Variants in PPP3CA observed in about 807,000 individuals in gnomAD.
PPP3CA encodes the protein CAM-PRP catalytic subunit.
PPP3CA carries 14 observed loss-of-function variants against 66.5 expected under a neutral mutation model. That is an observed-to-expected ratio of 0.21 (90% confidence interval 0.14 to 0.33). The LOEUF (loss-of-function observed/expected upper bound fraction) is 0.33. Ranked by LOEUF, PPP3CA falls within the 10% of genes least tolerant of loss-of-function variation. The pLI is 1.00. For missense variants in PPP3CA, 317 were observed against 639.5 expected, an observed-to-expected ratio of 0.50 and a Z score of 5.44; for synonymous variants, 232 against 226.2, an observed-to-expected ratio of 1.03 and a Z score of -0.23.
intron 2 of PPP3CA, among the ~76,000 whole-genome samples, chr4:101,146,591 C>T (rs1179714751): frequency 6.6e-6 from 1 of 152,008 alleles, no homozygotes; most frequent in Non-Finnish European, 1.5e-5. Context: ...TACAGGTGCG[C>T]ACCACCACGC....
chr4:101,079,051 A>G (rs114896946), intron 8 of PPP3CA, among the ~76,000 whole-genome samples: 7,896 of 152,252 alleles, frequency 0.052, 733 homozygotes, highest in African/African-American at 0.18. Context: ...ACGGCAATGT[A>G]AAAGACCGTA....
intron 8 of PPP3CA, among the ~76,000 whole-genome samples, chr4:101,076,535 G>A (rs1228045176): frequency 6.6e-6 from 1 of 152,280 alleles, no homozygotes; most frequent in South Asian, 2.1e-4. Context: ...ACCACCAACA[G>A]AAGTCTTTAT....
At chr4:101,132,536 C>T (rs1433088035) in intron 2 of PPP3CA, among the ~76,000 whole-genome samples, 2 of 152,052 alleles carry the variant, frequency 1.3e-5, no homozygotes, top group Admixed American at 6.5e-5. Flanking sequence ...TACACCCTCC[C>T]AAGACTAAAC....
chr4:101,317,829 GTA>G (rs1273085517), intron 1 of PPP3CA, among the ~76,000 whole-genome samples: 1 of 152,146 alleles, frequency 6.6e-6, no homozygotes, highest in Non-Finnish European at 1.5e-5. Flanking sequence ...TGACATCCTA[GTA>G]TCACCACTTA....
At chr4:101,077,072 G>C (rs993349071) in intron 8 of PPP3CA, among the ~76,000 whole-genome samples, 2 of 152,212 alleles carry the variant, frequency 1.3e-5, no homozygotes, top group African/African-American at 4.8e-5. Context: ...GTGCAGACTG[G>C]AAAGGATGAG....
At chr4:101,246,050 A>G (rs758259956) in intron 1 of PPP3CA, among the ~76,000 whole-genome samples, 2 of 152,082 alleles carry the variant, frequency 1.3e-5, no homozygotes, top group Non-Finnish European at 2.9e-5. Flanking sequence ...CACAAGTTAT[A>G]CGTCAACCAT....
At chr4:101,171,201 G>A (rs1723866376) in intron 2 of PPP3CA, 1 of 456,028 alleles carries the variant, frequency 2.2e-6, no homozygotes, top group Middle Eastern at 3.3e-4. Context: ...ACCTTGGTGT[G>A]TGAATCGGGG....
chr4:101,031,597 C>T (rs1045000603), intron 12 of PPP3CA, among the ~76,000 whole-genome samples: 13 of 152,202 alleles, frequency 8.5e-5, no homozygotes, highest in South Asian at 8.3e-4. Context: ...CAGTCATATG[C>T]GGCTTCTGTA....
At chr4:101,331,502 T>C (rs960219660) in intron 1 of PPP3CA, among the ~76,000 whole-genome samples, 9 of 152,170 alleles carry the variant, frequency 5.9e-5, no homozygotes, top group Non-Finnish European at 1.2e-4. Context: ...ATTTCTCAGT[T>C]AATGAAGAAA....
chr4:101,241,336 A>G (rs1726302203), intron 1 of PPP3CA, among the ~76,000 whole-genome samples: 1 of 152,100 alleles, frequency 6.6e-6, no homozygotes. Flanking sequence ...GCCACCTAAG[A>G]TAATATGTGG....
At position 101,288,891 on chromosome 4, in the gene PPP3CA, C is replaced by T. The variant is rs758134129; in HGVS notation, c.58+57848G>A. 2.7e-4 allele frequency among the ~76,000 whole-genome samples: 41 copies of T among 151,958 alleles called. 1 individual carries two copies. The highest frequency in any genetic ancestry group is 2.0e-4 in the Admixed American group (3 of 15,260). ...ACACAGGCACACACAAAATGAAGTG[C>T]CTTGAGTCTCTTCATCCTTCCCCTT... On this transcript the variant is annotated intron_variant, in intron 1 of 13. Transcript: ENST00000394854.
At chr4:101,338,269 T>C (rs1171629545) in intron 1 of PPP3CA, among the ~76,000 whole-genome samples, 1 of 152,168 alleles carries the variant, frequency 6.6e-6, no homozygotes. Context: ...AAAATCCATA[T>C]AATGCCAGTT....
In PPP3CA at chr4:101,130,881, A is replaced by C. The variant is rs576045023; in HGVS notation, c.260-21803T>G. Among the ~76,000 whole-genome samples, 5 of 152,322 alleles carry C rather than the reference A, an allele frequency of 3.3e-5. 1 individual carries two copies. In the South Asian group the frequency reaches 1.0e-3, roughly 32 times the overall value. On this transcript the variant is annotated intron_variant, in intron 2 of 13. Coordinates refer to ENST00000394854, the MANE Select transcript of PPP3CA (RefSeq NM_000944.5). Reference sequence around the variant, plus strand: ...GCATCATAATGACAGGATCAAATTCACACATAACAATATTAACCTTAAATA... The same window carrying C: ...GCATCATAATGACAGGATCAAATTCCCACATAACAATATTAACCTTAAATA...
At chr4:101,166,976 C>T (rs556242419) in intron 2 of PPP3CA, among the ~76,000 whole-genome samples, 1 of 152,226 alleles carries the variant, frequency 6.6e-6, no homozygotes, top group South Asian at 2.1e-4. Flanking sequence ...TCTTTCTTGT[C>T]CCTCCTTTAA....
intron 2 of PPP3CA, among the ~76,000 whole-genome samples, chr4:101,134,081 A>G (rs943067901): frequency 6.6e-6 from 1 of 152,236 alleles, no homozygotes; most frequent in Admixed American, 6.5e-5. Flanking sequence ...CTTACACCTT[A>G]TACAAAAATT....
intron 8 of PPP3CA, among the ~76,000 whole-genome samples, chr4:101,067,685 G>C (rs550381306): frequency 7.2e-6 from 1 of 139,474 alleles, no homozygotes; most frequent in East Asian, 2.0e-4. Context: ...GGGACGGGGA[G>C]GGATAGCATT....
intron 1 of PPP3CA, among the ~76,000 whole-genome samples, chr4:101,209,488 T>G (rs2110203395): frequency 6.6e-6 from 1 of 152,282 alleles, no homozygotes; most frequent in Admixed American, 6.5e-5. Context: ...GGGATCGCCA[T>G]GCTCAAGAAA....
intron 2 of PPP3CA, among the ~76,000 whole-genome samples, chr4:101,145,653 A>G (rs1000263642): frequency 6.6e-6 from 1 of 152,174 alleles, no homozygotes; most frequent in Non-Finnish European, 1.5e-5. Context: ...GGGTAAGGAA[A>G]AAGTGGGAAT....
intron 2 of PPP3CA, among the ~76,000 whole-genome samples, chr4:101,173,531 T>A (rs1048146802): frequency 3.3e-5 from 5 of 152,130 alleles, no homozygotes; most frequent in African/African-American, 1.2e-4. Flanking sequence ...CTTATTCTTA[T>A]CCACTAGAAA....
Sources: gnomAD v4.1 joint callset for allele counts (sites outside exome capture counted in the v4.1 genomes callset) on GRCh38, gnomAD v4.1.1 for gene constraint, MANE v1.5 for transcripts, NCBI Gene and HGNC (gene_info 2026-07-23, HGNC 2026-07-21) for gene names.